Variants in CPLANE1 observed in about 807,000 individuals in gnomAD.
CPLANE1 encodes the protein ciliogenesis and planar polarity effector complex subunit 1.
A neutral mutation model predicts 362.5 loss-of-function variants in CPLANE1; 263 were observed. The observed-to-expected ratio is 0.73, with a 90% CI of 0.66 to 0.80. The LOEUF (loss-of-function observed/expected upper bound fraction) is 0.80, where lower values mean the gene tolerates loss of function less well. Ranked by LOEUF, CPLANE1 falls within the 30% of genes least tolerant of loss-of-function variation. The pLI is 0.00. For synonymous variants in CPLANE1, 1,212 were observed against 1,302.6 expected (o/e 0.93, Z 1.50); for missense variants, 3,461 against 3,793.4 (o/e 0.91, Z 2.30).
chr5:37,159,011 C>T lies in CPLANE1; in HGVS notation c.7691-666G>A, dbSNP rs372051267. On this transcript the variant is annotated intron_variant, in intron 38 of 52. Transcript: ENST00000651892. ...ATGTTAGCCAGGATGGTCTCGATCT[C>T]CTGACCTCGTGATCCGCCCGCCTCA... is the stretch of plus-strand genomic sequence containing the variant. Among the ~76,000 whole-genome samples, 3 of 151,218 alleles carry T rather than the reference C, an allele frequency of 2.0e-5. No individual in the cohort carries two copies. In the East Asian group the frequency reaches 5.9e-4, roughly 30 times the overall value.
chr5:37,140,493 G>A, intron 44 of CPLANE1: 2 of 983,816 alleles, frequency 2.0e-6, no homozygotes, highest in African/African-American at 3.5e-5. Flanking sequence ...AATAGTAATA[G>A]TTCTACCCCT....
chr5:37,243,996 A>G (rs1386731173), intron 5 of CPLANE1, among the ~76,000 whole-genome samples: 1 of 151,594 alleles, frequency 6.6e-6, no homozygotes, highest in Non-Finnish European at 1.5e-5. Flanking sequence ...GATTACAGGC[A>G]TGTGCCACCA....
intron 8 of CPLANE1, among the ~76,000 whole-genome samples, chr5:37,233,533 T>G (rs971545994): frequency 3.9e-5 from 6 of 151,916 alleles, no homozygotes; most frequent in African/African-American, 1.5e-4. Flanking sequence ...CGAAGCACAC[T>G]TAGGAGAATA....
chr5:37,157,615 G>T, intron 40 of CPLANE1, 55 bp downstream of exon 40: 1 of 1,450,100 alleles, frequency 6.9e-7, no homozygotes, highest in Non-Finnish European at 9.6e-7. Context: ...GGATAACAAT[G>T]CTATATTAAA....
chr5:37,094,102 C>T, the CPLANE1 span, among the ~76,000 whole-genome samples: 1 of 152,282 alleles, frequency 6.6e-6, no homozygotes, highest in Non-Finnish European at 1.5e-5. Flanking sequence ...TTAATGTGTA[C>T]TGAATAAATG....
chr5:37,182,842 G>C lies in CPLANE1; in HGVS notation c.5339C>G (p.Ser1780Cys). The change falls in exon 26 of 53, where the codon TCT (serine) becomes TGT (cysteine). Residue 1780 changes from serine to cysteine, a missense_variant. Ser to Cys is a moderately radical substitution (Grantham distance 112, BLOSUM62 -1). This residue lies in a region of CPLANE1 where 3,380 missense variants were observed against 3,666.1 expected (regional missense o/e 0.92). Transcript: ENST00000651892. The part of the protein sequence containing the change: ...EYSPVIRVKT[S>C]TAAILTSLWL... ...TAATGATGTAAGAATGGCAGCTGTAGAGGTCTTTACACGAATTACTGGACT... is the reference window on the plus strand; with the variant it reads ...TAATGATGTAAGAATGGCAGCTGTACAGGTCTTTACACGAATTACTGGACT... 6.2e-7 allele frequency: 1 copy of C among 1,613,592 alleles called. No homozygotes were observed. Among genetic ancestry groups the C allele is most frequent in the East Asian group, 2.2e-5 (1 of 44,832 alleles).
chr5:37,157,958 A>AAAT, intron 39 of CPLANE1, 90 bp from the exon 40 acceptor site: 49 of 762,522 alleles, frequency 6.4e-5, no homozygotes, highest in South Asian at 1.1e-4. Context: ...AAAAAAAAAA[A>AAAT]GGCTTAATTC....
At position 37,228,752 on chromosome 5, in the gene CPLANE1, T is replaced by C. The variant is rs1420845767; in HGVS notation, c.1122-935A>G. 4.6e-5 allele frequency among the ~76,000 whole-genome samples: 7 copies of C among 152,182 alleles called. No individual in the cohort carries two copies. In the East Asian group the frequency reaches 1.3e-3, roughly 29 times the overall value. ...GTATTTAGTTTTCCACATTATTTAA[T>C]TTTGTAACATTTGATTTTTGAGTGC... On this transcript the variant is annotated intron_variant, in intron 9 of 52. Coordinates refer to ENST00000651892, the MANE Select transcript of CPLANE1 (RefSeq NM_001384732.1).
the CPLANE1 span, among the ~76,000 whole-genome samples, chr5:37,090,684 C>T: frequency 6.6e-6 from 1 of 152,110 alleles, no homozygotes; most frequent in Non-Finnish European, 1.5e-5. Flanking sequence ...TGGTAGAGAC[C>T]ACATAATTCA....
downstream of CPLANE1, among the ~76,000 whole-genome samples, chr5:37,105,448 T>C (rs76931765): frequency 3.4e-3 from 516 of 152,328 alleles, 1 homozygote; most frequent in Non-Finnish European, 6.2e-3. Context: ...CAATAAATGC[T>C]GCCAAGAAAA....
At chr5:37,241,794 T>C (rs1036288996) in intron 6 of CPLANE1, among the ~76,000 whole-genome samples, 1 of 151,584 alleles carries the variant, frequency 6.6e-6, no homozygotes, top group Non-Finnish European at 1.5e-5. Flanking sequence ...GCTCAGCTAA[T>C]TTTTTTTATA....
At chr5:37,221,272 G>A in intron 15 of CPLANE1, 52 bp downstream of exon 15, 1 of 1,288,876 alleles carries the variant, frequency 7.8e-7, no homozygotes, top group Non-Finnish European at 1.0e-6. Flanking sequence ...TGGCAACATA[G>A]GGAGACCCTG....
At position 37,118,928 on chromosome 5, in the gene CPLANE1, G is replaced by A. The variant is rs144071256; in HGVS notation, c.9310+1288C>T. Among the ~76,000 whole-genome samples, 19 of 152,026 alleles carry A rather than the reference G, an allele frequency of 1.2e-4. No individual in the cohort carries two copies. The East Asian group carries it at 3.7e-3, about 30-fold the overall frequency. On this transcript the variant is annotated intron_variant, in intron 50 of 52. Transcript: ENST00000651892. ...GGGGTTTCACCATGTTGGCCAAGATGGTCTCAATCTCTTGACCTTGTGATC... is the reference window on the plus strand; with the variant it reads ...GGGGTTTCACCATGTTGGCCAAGATAGTCTCAATCTCTTGACCTTGTGATC...
At chr5:37,203,974 A>T (rs1232569400) in intron 18 of CPLANE1, among the ~76,000 whole-genome samples, 1 of 152,066 alleles carries the variant, frequency 6.6e-6, no homozygotes, top group Non-Finnish European at 1.5e-5. Flanking sequence ...AATTCCCCTT[A>T]CTTTATTTAA....
chr5:37,223,529 G>A (rs965492442), intron 14 of CPLANE1, among the ~76,000 whole-genome samples: 4 of 152,206 alleles, frequency 2.6e-5, no homozygotes, highest in Non-Finnish European at 4.4e-5. Flanking sequence ...GAAAATAAAT[G>A]TAATAATAGA....
intron 8 of CPLANE1, among the ~76,000 whole-genome samples, chr5:37,235,613 C>T (rs943545386): frequency 3.8e-4 from 55 of 143,084 alleles, no homozygotes; most frequent in African/African-American, 1.4e-3. Context: ...CGTTCTGTCA[C>T]CCAGGCTGGA....
intron 32 of CPLANE1, among the ~76,000 whole-genome samples, chr5:37,170,732 T>C (rs1328503658): frequency 6.6e-6 from 1 of 152,146 alleles, no homozygotes; most frequent in Non-Finnish European, 1.5e-5. Flanking sequence ...GGTCAAGAGA[T>C]TGAGACCATC....
At chr5:37,115,771 T>A (rs992919056) in intron 50 of CPLANE1, among the ~76,000 whole-genome samples, 1 of 151,504 alleles carries the variant, frequency 6.6e-6, no homozygotes, top group African/African-American at 2.4e-5. Context: ...TACTTTTTTT[T>A]ATTTTTAGTA....
Position 37,235,120 on chromosome 5 carries a change from T to C in CPLANE1, c.938+3737A>G, listed in dbSNP as rs539229246. On this transcript the variant is annotated intron_variant, in intron 8 of 52. Coordinates refer to ENST00000651892, the MANE Select transcript of CPLANE1 (RefSeq NM_001384732.1). ...TCTTAGATTTGATAAATGAATATAG[T>C]AAGATTTCAGGATACTTTATATTAA... is the stretch of plus-strand genomic sequence containing the variant. Among the ~76,000 whole-genome samples the C allele has an allele frequency of 5.9e-5, 9 of 152,270 alleles. No individual in the cohort carries two copies. In the South Asian group the frequency reaches 1.7e-3, roughly 28 times the overall value.
Sources: gnomAD v4.1 joint callset for allele counts (sites outside exome capture counted in the v4.1 genomes callset) on GRCh38, gnomAD v4.1.1 for gene constraint, gnomAD v4.1.1 regional missense constraint, MANE v1.5 for transcripts, NCBI Gene and HGNC (gene_info 2026-07-23, HGNC 2026-07-21) for gene names.